The following ELL2 variants were observed in gnomAD, a reference collection of about 807,000 sequenced individuals.
The protein encoded by ELL2 is RNA polymerase II elongation factor ELL2.
A neutral mutation model predicts 72.8 loss-of-function variants in ELL2; 21 were observed. That is an observed-to-expected ratio of 0.29 (90% CI 0.20 to 0.42). The LOEUF is 0.42. Among genes scored for constraint, ELL2 ranks in the 10% least tolerant of loss-of-function variants. ELL2 has a pLI of 1.00. For missense variants in ELL2, 568 were observed against 772.8 expected (o/e 0.73, Z 3.14); for synonymous variants, 266 against 283.2 (o/e 0.94, Z 0.61).
intron 1 of ELL2, among the ~76,000 whole-genome samples, chr5:95,960,680 C>T (rs1751801438): frequency 6.6e-6 from 1 of 152,066 alleles, no homozygotes; most frequent in Non-Finnish European, 1.5e-5. Flanking sequence ...GGAGCTTTTT[C>T]GGGTACGTTG....
intron 2 of ELL2, among the ~76,000 whole-genome samples, chr5:95,921,471 C>T (rs1268055755): frequency 6.6e-6 from 1 of 152,086 alleles, no homozygotes; most frequent in Non-Finnish European, 1.5e-5. Flanking sequence ...TCTTTAATTC[C>T]CAAAACTTTC....
intron 4 of ELL2, among the ~76,000 whole-genome samples, chr5:95,908,457 G>A (rs1033927599): frequency 1.3e-5 from 2 of 152,238 alleles, no homozygotes; most frequent in Non-Finnish European, 2.9e-5. Flanking sequence ...AATGTTTGCT[G>A]TTGCTTTGTG....
chr5:95,950,249 T>C (rs567963297), intron 1 of ELL2, among the ~76,000 whole-genome samples: 44 of 152,336 alleles, frequency 2.9e-4, no homozygotes, highest in Middle Eastern at 3.4e-3. Flanking sequence ...TTTCCCCCTA[T>C]GCTATTTAAG....
chr5:95,946,709 A>T (rs765358283), intron 1 of ELL2, among the ~76,000 whole-genome samples: 6 of 152,250 alleles, frequency 3.9e-5, no homozygotes, highest in Non-Finnish European at 8.8e-5. Flanking sequence ...TTTTGCAAAG[A>T]CTTTCCTCTC....
intron 1 of ELL2, among the ~76,000 whole-genome samples, chr5:95,955,666 T>C (rs770394376): frequency 5.9e-5 from 9 of 152,204 alleles, no homozygotes; most frequent in Non-Finnish European, 1.3e-4. Flanking sequence ...CTGCGGTAAA[T>C]TTGTGCATAA....
At position 95,906,725 on chromosome 5, in the gene ELL2, C is replaced by G. The variant is rs1749377186; in HGVS notation, c.539G>C (p.Arg180Thr). ...PQAVSDTVPE[R>T]KRSTPMNPAN... ...AGGGTTCATGGGGGTTGACCTTTTC[C>G]TCTCAGGAACTGTATCTGAAACAGC... Residue 180 changes from arginine (R) to threonine (T), a missense_variant, in exon 5 of 12, where the codon AGG becomes ACG. By Grantham distance (71) the Arg-to-Thr change is moderately conservative (BLOSUM62 -1). Around this residue, in one of 2 missense-constraint regions of ELL2, gnomAD observed 511 missense variants for 728.4 expected, o/e 0.70. Transcript: ENST00000237853. The G allele has an allele frequency of 3.7e-6, 6 of 1,613,816 alleles. No homozygotes were observed. The highest frequency in any genetic ancestry group is 8.5e-7 in the Non-Finnish European group (1 of 1,179,894).
intron 9 of ELL2, among the ~76,000 whole-genome samples, chr5:95,895,330 C>T (rs1005498479): frequency 1.3e-5 from 2 of 152,222 alleles, no homozygotes; most frequent in Non-Finnish European, 2.9e-5. Flanking sequence ...TTTGAAGAGT[C>T]AGATCCCTAA....
chr5:95,947,203 A>T (rs1457099961), intron 1 of ELL2, among the ~76,000 whole-genome samples: 1 of 152,220 alleles, frequency 6.6e-6, no homozygotes, highest in Non-Finnish European at 1.5e-5. Context: ...CAGCTAAAAA[A>T]AAAAAGTATT....
intron 5 of ELL2, among the ~76,000 whole-genome samples, chr5:95,903,630 A>G (rs2112284995): frequency 6.6e-6 from 1 of 152,122 alleles, no homozygotes; most frequent in South Asian, 2.1e-4. Context: ...CATTCTGTTC[A>G]TTTCCTCCTA....
At chr5:95,894,394 A>G (rs1470656691) in intron 9 of ELL2, among the ~76,000 whole-genome samples, 1 of 152,252 alleles carries the variant, frequency 6.6e-6, no homozygotes, top group African/African-American at 2.4e-5. Flanking sequence ...GAATTCAAAA[A>G]AGAACAAGAG....
chr5:95,890,872 G>A (rs1039022732), intron 10 of ELL2: 34 of 530,966 alleles, frequency 6.4e-5, no homozygotes, highest in South Asian at 6.1e-4. Context: ...TTCTCAATAT[G>A]TGATACATTA....
At chr5:95,895,597 G>A (rs180773724) in intron 9 of ELL2, 31 bp downstream of exon 9, 882 of 1,588,822 alleles carry the variant, frequency 5.6e-4, no homozygotes, top group Non-Finnish European at 7.2e-4. Context: ...AAATTAAGCC[G>A]CTCTCTCCAT....
intron 4 of ELL2, among the ~76,000 whole-genome samples, chr5:95,910,310 A>G (rs988249851): frequency 6.6e-6 from 1 of 152,190 alleles, no homozygotes; most frequent in Non-Finnish European, 1.5e-5. Context: ...ACAGAATCCT[A>G]GAAATTAGAT....
intron 2 of ELL2, among the ~76,000 whole-genome samples, chr5:95,936,865 G>GT (rs1052082773): frequency 1.3e-5 from 2 of 152,152 alleles, no homozygotes; most frequent in African/African-American, 2.4e-5. Flanking sequence ...TACAAGTTCA[G>GT]TTTTTGGTGG....
intron 4 of ELL2, 126 bp downstream of exon 4, chr5:95,913,645 G>A (rs1214208700): frequency 9.0e-7 from 1 of 1,113,198 alleles, no homozygotes; most frequent in Non-Finnish European, 1.2e-6. Context: ...TTCTCACCAT[G>A]TTATCCAAAA....
chr5:95,890,136 T>C (rs890687695), intron 10 of ELL2, among the ~76,000 whole-genome samples: 5 of 152,160 alleles, frequency 3.3e-5, no homozygotes, highest in Non-Finnish European at 7.4e-5. Context: ...ATTATATACA[T>C]TGATAAATGA....
At chr5:95,943,775 T>C (rs1206691661) in intron 1 of ELL2, among the ~76,000 whole-genome samples, 1 of 152,248 alleles carries the variant, frequency 6.6e-6, no homozygotes, top group Non-Finnish European at 1.5e-5. Flanking sequence ...CAGTGTTTTT[T>C]ATTATGAGCT....
At chr5:95,931,431 C>A (rs1331705227) in intron 2 of ELL2, among the ~76,000 whole-genome samples, 1 of 152,082 alleles carries the variant, frequency 6.6e-6, no homozygotes, top group Non-Finnish European at 1.5e-5. Flanking sequence ...CACACACATG[C>A]CTTCCTTACT....
intron 1 of ELL2, among the ~76,000 whole-genome samples, chr5:95,950,904 G>GTATATATATATATATATATATATA (rs869036736): frequency 2.1e-5 from 1 of 46,612 alleles, no homozygotes; most frequent in Non-Finnish European, 4.2e-5. Flanking sequence ...GTATGTATGT[G>GTATATATATATATATATATATATA]TATATATATA....
Sources: gnomAD v4.1 joint callset for allele counts (sites outside exome capture counted in the v4.1 genomes callset) on GRCh38, gnomAD v4.1.1 for gene constraint, gnomAD v4.1.1 regional missense constraint, MANE v1.5 for transcripts, NCBI Gene and HGNC (gene_info 2026-07-23, HGNC 2026-07-21) for gene names.